The following LRRC4C variants were observed in gnomAD, a reference collection of about 807,000 sequenced individuals.
LRRC4C encodes the protein leucine-rich repeat-containing protein 4C.
A neutral mutation model predicts 33.6 loss-of-function variants in LRRC4C; 5 were observed. That is an observed-to-expected ratio of 0.15 (90% CI 0.08 to 0.31). The LOEUF is 0.31. LRRC4C is among the 10% of genes least tolerant of loss of function. LRRC4C has a pLI of 1.00. For missense variants in LRRC4C, 560 were observed against 796.7 expected, an observed-to-expected ratio of 0.70 and a Z score of 3.58; for synonymous variants, 329 against 302.0, an observed-to-expected ratio of 1.09 and a Z score of -0.93.
chr11:40,241,255 A>G (rs910244715), intron 5 of LRRC4C, among the ~76,000 whole-genome samples: 1 of 152,004 alleles, frequency 6.6e-6, no homozygotes, highest in African/African-American at 2.4e-5. Context: ...GGTAGTGCAC[A>G]CCCGTGGTGC....
intron 3 of LRRC4C, among the ~76,000 whole-genome samples, chr11:40,556,387 G>A (rs1157032606): frequency 6.6e-6 from 1 of 152,200 alleles, no homozygotes; most frequent in Non-Finnish European, 1.5e-5. Flanking sequence ...GAGACAGAAT[G>A]TAGAAAGAGA....
At chr11:40,997,875 T>A (rs1310100939) in intron 1 of LRRC4C, among the ~76,000 whole-genome samples, 1 of 152,096 alleles carries the variant, frequency 6.6e-6, no homozygotes, top group Non-Finnish European at 1.5e-5. Context: ...CTTTTTAAGG[T>A]TTCTCACATC....
intron 3 of LRRC4C, among the ~76,000 whole-genome samples, chr11:40,628,296 T>A (rs1331072701): frequency 6.6e-6 from 1 of 151,936 alleles, no homozygotes; most frequent in Non-Finnish European, 1.5e-5. Context: ...GCTAACACGG[T>A]GAAACCCCGT....
At chr11:40,638,831 G>A (rs547137934) in intron 3 of LRRC4C, among the ~76,000 whole-genome samples, 2 of 147,242 alleles carry the variant, frequency 1.4e-5, no homozygotes, top group South Asian at 4.3e-4. Flanking sequence ...AAGTAGTTTA[G>A]CATCATGAGG....
chr11:41,034,606 CGTATATATATATATATATAT>C (rs1856942232), intron 1 of LRRC4C, among the ~76,000 whole-genome samples: 2 of 108,470 alleles, frequency 1.8e-5, no homozygotes, highest in African/African-American at 4.0e-5. Flanking sequence ...AATATGGTGA[CGTATATATATATATATATAT>C]ATATATATAT....
intron 4 of LRRC4C, among the ~76,000 whole-genome samples, chr11:40,297,186 A>C: frequency 6.6e-6 from 1 of 152,222 alleles, no homozygotes; most frequent in East Asian, 1.9e-4. Flanking sequence ...TGTGTTTATT[A>C]ATTGGATTTA....
chr11:40,676,332 T>C (rs920541160), intron 2 of LRRC4C, among the ~76,000 whole-genome samples: 3 of 152,190 alleles, frequency 2.0e-5, no homozygotes, highest in African/African-American at 4.8e-5. Context: ...TTTGGTTTCA[T>C]TGAATCATAG....
chr11:41,336,955 C>A (rs189158708), intron 1 of LRRC4C, among the ~76,000 whole-genome samples: 40 of 151,870 alleles, frequency 2.6e-4, no homozygotes, highest in African/African-American at 9.2e-4. Flanking sequence ...GAAACTAAGA[C>A]ATAAAAAGGA....
At chr11:40,334,590 C>T (rs181068675) in intron 3 of LRRC4C, among the ~76,000 whole-genome samples, 1 of 152,236 alleles carries the variant, frequency 6.6e-6, no homozygotes, top group East Asian at 1.9e-4. Context: ...TAATTCTAAG[C>T]ACATTAATGA....
chr11:41,031,831 C>T (rs888634781), intron 1 of LRRC4C, among the ~76,000 whole-genome samples: 1 of 152,010 alleles, frequency 6.6e-6, no homozygotes, highest in African/African-American at 2.4e-5. Flanking sequence ...GTTCCCCAAT[C>T]TACAGAGGTA....
At chr11:40,198,776 A>C (rs762017869) in intron 5 of LRRC4C, among the ~76,000 whole-genome samples, 1 of 152,184 alleles carries the variant, frequency 6.6e-6, no homozygotes, top group Non-Finnish European at 1.5e-5. Context: ...CTGAATAATA[A>C]ATGGAGTCAA....
At chr11:40,633,532 G>A (rs1335619035) in intron 3 of LRRC4C, among the ~76,000 whole-genome samples, 3 of 151,512 alleles carry the variant, frequency 2.0e-5, no homozygotes, top group Non-Finnish European at 2.9e-5. Context: ...GGGATTACAG[G>A]TGCCCACCAC....
intron 2 of LRRC4C, among the ~76,000 whole-genome samples, chr11:40,744,216 G>A (rs935667275): frequency 7.9e-5 from 12 of 152,106 alleles, no homozygotes; most frequent in Non-Finnish European, 8.8e-5. Context: ...TATTTAGTGT[G>A]TCAGATGGAG....
intron 2 of LRRC4C, among the ~76,000 whole-genome samples, chr11:40,811,190 AC>A (rs1321456280): frequency 6.6e-6 from 1 of 152,000 alleles, no homozygotes; most frequent in Non-Finnish European, 1.5e-5. Context: ...TTTTCTTCAC[AC>A]AGATCTCACT....
intron 2 of LRRC4C, among the ~76,000 whole-genome samples, chr11:40,655,682 G>T (rs774206729): frequency 6.6e-6 from 1 of 152,146 alleles, no homozygotes; most frequent in Admixed American, 6.5e-5. Context: ...AGGAGGAAAA[G>T]AATCATTTCT....
At chr11:40,658,009 T>C (rs1387853173) in intron 2 of LRRC4C, among the ~76,000 whole-genome samples, 1 of 152,368 alleles carries the variant, frequency 6.6e-6, no homozygotes, top group East Asian at 1.9e-4. Flanking sequence ...GTTGACAGTT[T>C]CTTAGTTGCA....
intron 1 of LRRC4C, among the ~76,000 whole-genome samples, chr11:41,265,019 AG>A (rs1030829589): frequency 2.0e-5 from 3 of 152,128 alleles, no homozygotes; most frequent in African/African-American, 7.2e-5. Context: ...TGTGAGGGTA[AG>A]GACTCTGCTA....
intron 2 of LRRC4C, among the ~76,000 whole-genome samples, chr11:40,675,316 G>A (rs191102910): frequency 6.6e-5 from 10 of 152,164 alleles, no homozygotes; most frequent in African/African-American, 2.4e-4. Flanking sequence ...AATTTCAGAA[G>A]TATTCAATAA....
chr11:41,299,158 A>G (rs1307809648), intron 1 of LRRC4C, among the ~76,000 whole-genome samples: 1 of 152,100 alleles, frequency 6.6e-6, no homozygotes, highest in Non-Finnish European at 1.5e-5. Flanking sequence ...TAGTGGGATT[A>G]TTGGATCAGA....
Sources: allele counts gnomAD v4.1 joint callset (sites outside exome capture counted in the v4.1 genomes callset), GRCh38; gene constraint gnomAD v4.1.1; transcripts MANE v1.5; gene names NCBI Gene and HGNC (gene_info 2026-07-23, HGNC 2026-07-21).